Variants in PARD3 observed in about 807,000 individuals in gnomAD.
PARD3 encodes the protein par-3 family cell polarity regulator, also known as partitioning defective 3 homolog.
PARD3 carries 75 observed loss-of-function variants against 155.4 expected under a neutral mutation model. The observed-to-expected ratio is 0.48, with a 90% confidence interval of 0.40 to 0.58. The LOEUF (loss-of-function observed/expected upper bound fraction) is 0.58. PARD3 is among the 20% of genes least tolerant of loss of function. PARD3 has a pLI of 0.00. For missense variants in PARD3, 1,642 were observed against 1,721.7 expected (o/e 0.95, Z 0.82); for synonymous variants, 576 against 610.5 (o/e 0.94, Z 0.83).
intron 4 of PARD3, among the ~76,000 whole-genome samples, chr10:34,452,648 T>C (rs2077121458): frequency 6.6e-6 from 1 of 152,134 alleles, no homozygotes; most frequent in Non-Finnish European, 1.5e-5. Flanking sequence ...TTGTTGGCGC[T>C]ATGGACTGCT....
At chr10:34,561,552 T>G (rs1457595648) in intron 2 of PARD3, among the ~76,000 whole-genome samples, 1 of 151,896 alleles carries the variant, frequency 6.6e-6, no homozygotes, top group African/African-American at 2.4e-5. Context: ...GGAGTTTCAT[T>G]CTGTTGCCCA....
chr10:34,483,478 T>A (rs1204603901), intron 3 of PARD3, among the ~76,000 whole-genome samples: 3 of 114,710 alleles, frequency 2.6e-5, no homozygotes, highest in African/African-American at 3.8e-5. Context: ...TGAGACTCTG[T>A]CACCAAAAAA....
intron 14 of PARD3, among the ~76,000 whole-genome samples, chr10:34,352,503 G>A (rs1180315120): frequency 2.6e-5 from 4 of 152,302 alleles, no homozygotes; most frequent in South Asian, 2.1e-4. Flanking sequence ...GCGCCGCCAC[G>A]CCTGACTGGT....
intron 7 of PARD3, among the ~76,000 whole-genome samples, chr10:34,390,311 A>G (rs938372513): frequency 2.2e-4 from 34 of 152,302 alleles, no homozygotes; most frequent in African/African-American, 7.9e-4. Context: ...GAGGAAAATG[A>G]TCACTTTCTC....
intron 4 of PARD3, among the ~76,000 whole-genome samples, chr10:34,458,331 T>G (rs1020914436): frequency 1.3e-5 from 2 of 152,144 alleles, no homozygotes; most frequent in Non-Finnish European, 1.5e-5. Flanking sequence ...GCCTTCCGAA[T>G]AGCTGAGACT....
chr10:34,722,560 C>T (rs1450846036), intron 1 of PARD3, among the ~76,000 whole-genome samples: 1 of 152,134 alleles, frequency 6.6e-6, no homozygotes, highest in African/African-American at 2.4e-5. Context: ...ATGTTCAGCA[C>T]GGTACTCCCT....
intron 19 of PARD3, among the ~76,000 whole-genome samples, chr10:34,321,720 T>C (rs1958390759): frequency 6.6e-6 from 1 of 152,236 alleles, no homozygotes; most frequent in Non-Finnish European, 1.5e-5. Flanking sequence ...ATTAAAATTC[T>C]AGTCCATGTT....
chr10:34,454,170 C>G (rs2077209120), intron 4 of PARD3, among the ~76,000 whole-genome samples: 1 of 152,074 alleles, frequency 6.6e-6, no homozygotes, highest in Non-Finnish European at 1.5e-5. Flanking sequence ...ACTAGCGTTT[C>G]AGTCATGTTT....
intron 7 of PARD3, among the ~76,000 whole-genome samples, chr10:34,385,383 G>A (rs367766375): frequency 3.3e-5 from 5 of 152,150 alleles, no homozygotes; most frequent in East Asian, 3.9e-4. Flanking sequence ...TAATCCACCC[G>A]CCTCAGCCTC....
chr10:34,341,633 GCTGAAT>G lies in PARD3; in HGVS notation c.2396_2401del (p.Asp799_Ser800del). 1 of 1,610,678 alleles carries G rather than the reference GCTGAAT, an allele frequency of 6.2e-7. No homozygotes were observed. Among genetic ancestry groups the G allele is most frequent in the Non-Finnish European group, 8.5e-7 (1 of 1,178,542 alleles). On this transcript the variant is annotated inframe_deletion, in exon 16 of 25. Transcript: ENST00000374788. ...CCCTGGACGATGAGCTTACCAGTCGGCTGAATCACTGATTGCAGCCTTGGCCCAAGT... is the reference window on the plus strand; with the variant it reads ...CCCTGGACGATGAGCTTACCAGTCGGCACTGATTGCAGCCTTGGCCCAAGT...
chr10:34,723,779 A>C (rs922124945), intron 1 of PARD3, among the ~76,000 whole-genome samples: 1 of 152,200 alleles, frequency 6.6e-6, no homozygotes, highest in Non-Finnish European at 1.5e-5. Context: ...ACGGCGATGC[A>C]GCGGAGGAAC....
At chr10:34,521,736 C>A (rs1213156166) in intron 2 of PARD3, among the ~76,000 whole-genome samples, 4 of 152,214 alleles carry the variant, frequency 2.6e-5, no homozygotes, top group Non-Finnish European at 5.9e-5. Context: ...AACCCCCCAA[C>A]AGAAAACCTC....
At chr10:34,540,415 C>T (rs184037902) in intron 2 of PARD3, among the ~76,000 whole-genome samples, 47 of 151,860 alleles carry the variant, frequency 3.1e-4, no homozygotes, top group Admixed American at 2.6e-4. Flanking sequence ...AGGTGGATGG[C>T]GGGGAGACTA....
rs529614702 is a variant in PARD3 at position 34,183,071 on chromosome 10, C to T, written c.3420-51488G>A. ...GGAATTGCTTTTCTCATATATAAGCCTTTGGGGGATAACCCCCAAGTCTAA... is the reference window on the plus strand; with the variant it reads ...GGAATTGCTTTTCTCATATATAAGCTTTTGGGGGATAACCCCCAAGTCTAA... On this transcript the variant is annotated intron_variant, in intron 22 of 24. Transcript: ENST00000374788. 2.0e-5 allele frequency among the ~76,000 whole-genome samples: 3 copies of T among 152,334 alleles called. No individual in the cohort carries two copies. In the South Asian group the frequency reaches 6.2e-4, roughly 32 times the overall value.
chr10:34,122,812 G>A (rs1947078135), intron 23 of PARD3, among the ~76,000 whole-genome samples: 1 of 152,096 alleles, frequency 6.6e-6, no homozygotes, highest in African/African-American at 2.4e-5. Flanking sequence ...AACAAAAACT[G>A]GATGAACAGT....
chr10:34,370,951 A>G (rs1840536438), intron 12 of PARD3, among the ~76,000 whole-genome samples: 1 of 152,214 alleles, frequency 6.6e-6, no homozygotes, highest in African/African-American at 2.4e-5. Flanking sequence ...TGTTATAAAC[A>G]CTACGTAAAC....
In PARD3 at chr10:34,736,330, C is replaced by CTTTTTTT. The variant is rs564413627; in HGVS notation, c.121-39918_121-39912dup. 6.6e-3 allele frequency among the ~76,000 whole-genome samples: 846 copies of CTTTTTTT among 128,376 alleles called. 18 individuals carry two copies. Among genetic ancestry groups the CTTTTTTT allele is most frequent in the East Asian group, 0.013 (53 of 4,130 alleles). The allele number at this position is 128,376 out of a possible 152,430, so 84.2% of individuals were successfully genotyped here. The stretch of plus-strand genomic sequence containing the variant: ...TAGGCGTGAGCCACTGCGCCTGGCC[C>CTTTTTTT]TTTTTTTTTTTTTTTGGTGATAGGG... On this transcript the variant is annotated intron_variant, in intron 1 of 24. Transcript: ENST00000374788.
chr10:34,618,857 C>T (rs1032968848), intron 2 of PARD3, among the ~76,000 whole-genome samples: 1 of 152,068 alleles, frequency 6.6e-6, no homozygotes, highest in African/African-American at 2.4e-5. Flanking sequence ...CTCCTCAACA[C>T]TAAGGTAATA....
At chr10:34,469,987 C>G in intron 4 of PARD3, 98 bp downstream of exon 4, 1 of 935,520 alleles carries the variant, frequency 1.1e-6, no homozygotes, top group Non-Finnish European at 1.6e-6. Flanking sequence ...ATGAAGATGC[C>G]CTGGAATCCA....
Sources: gnomAD v4.1 joint callset for allele counts (sites outside exome capture counted in the v4.1 genomes callset) on GRCh38, gnomAD v4.1.1 for gene constraint, MANE v1.5 for transcripts, NCBI Gene and HGNC (gene_info 2026-07-23, HGNC 2026-07-21) for gene names.